Variants in ARHGAP24 observed in about 807,000 individuals in gnomAD.
The protein encoded by ARHGAP24 is rho GTPase-activating protein 24.
Under a neutral mutation model 76.4 loss-of-function variants are expected in ARHGAP24, and 50 were observed. The ratio of observed to expected loss-of-function variants is 0.65; its 90% CI spans 0.52 to 0.83. The LOEUF (loss-of-function observed/expected upper bound fraction) is 0.83. Ranked by LOEUF, ARHGAP24 falls within the 40% of genes least tolerant of loss-of-function variation. The pLI is 0.00. For synonymous variants in ARHGAP24, 345 were observed against 323.3 expected, an observed-to-expected ratio of 1.07 and a Z score of -0.72; for missense variants, 930 against 914.2, an observed-to-expected ratio of 1.02 and a Z score of -0.22.
At chr4:85,528,999 T>C (rs1252304830) in intron 1 of ARHGAP24, among the ~76,000 whole-genome samples, 2 of 152,074 alleles carry the variant, frequency 1.3e-5, no homozygotes, top group African/African-American at 2.4e-5. Context: ...TATTGGGATC[T>C]GAGACAAATA....
chr4:85,655,814 GAGAA>G lies in ARHGAP24; in HGVS notation c.181-66067_181-66064del, dbSNP rs770674185. ...ATATAGAGAGAGAGAGAGAGAGAGAGAGAAAGAGAGAGAGAGAGAGAGAGAGAGA... is the reference window on the plus strand; with the variant it reads ...ATATAGAGAGAGAGAGAGAGAGAGAGAGAGAGAGAGAGAGAGAGAGAGAGA... On this transcript the variant is annotated intron_variant, in intron 2 of 9. Transcript: ENST00000395184. Among the ~76,000 whole-genome samples the G allele has an allele frequency of 4.0e-3, 338 of 83,784 alleles. 2 individuals carry two copies. Among genetic ancestry groups the G allele is most frequent in the East Asian group, 0.026 (54 of 2,042 alleles). 55.0% of individuals were successfully genotyped at this position (83,784 alleles called of 152,430 possible).
intron 2 of ARHGAP24, among the ~76,000 whole-genome samples, chr4:85,714,131 G>A (rs1724639422): frequency 1.3e-5 from 2 of 152,108 alleles, no homozygotes; most frequent in South Asian, 4.1e-4. Flanking sequence ...CTAGATTGGT[G>A]ATGGCTATGC....
chr4:85,822,106 GAT>G (rs1729499067), intron 3 of ARHGAP24, among the ~76,000 whole-genome samples: 1 of 152,144 alleles, frequency 6.6e-6, no homozygotes, highest in Admixed American at 6.5e-5. Context: ...TTGGTCAGCT[GAT>G]GGAGCATTTT....
intron 3 of ARHGAP24, among the ~76,000 whole-genome samples, chr4:85,885,890 A>AT (rs1733540622): frequency 1.3e-5 from 2 of 152,108 alleles, no homozygotes; most frequent in South Asian, 4.1e-4. Flanking sequence ...TGAGAGCAAA[A>AT]TTTTGGATTA....
chr4:85,894,020 A>C (rs1733991401), intron 3 of ARHGAP24, among the ~76,000 whole-genome samples: 1 of 146,358 alleles, frequency 6.8e-6, no homozygotes, highest in Non-Finnish European at 1.5e-5. Flanking sequence ...TAGTGGGTGC[A>C]GCGCACCAGC....
At chr4:85,904,011 G>A (rs930712702) in intron 3 of ARHGAP24, among the ~76,000 whole-genome samples, 1 of 152,146 alleles carries the variant, frequency 6.6e-6, no homozygotes, top group African/African-American at 2.4e-5. Flanking sequence ...TTAACCTATA[G>A]TATTTCACAT....
chr4:85,864,517 C>T (rs1313693731), intron 3 of ARHGAP24, among the ~76,000 whole-genome samples: 1 of 152,054 alleles, frequency 6.6e-6, no homozygotes, highest in African/African-American at 2.4e-5. Context: ...TCCAGAATTA[C>T]TCTCCTTTGG....
intron 2 of ARHGAP24, among the ~76,000 whole-genome samples, chr4:85,652,142 T>G (rs1223789812): frequency 6.6e-6 from 1 of 152,188 alleles, no homozygotes; most frequent in Non-Finnish European, 1.5e-5. Context: ...ATATTCATAT[T>G]AGAGATTTTT....
At chr4:85,823,461 C>T (rs993491253) in intron 3 of ARHGAP24, among the ~76,000 whole-genome samples, 1 of 152,134 alleles carries the variant, frequency 6.6e-6, no homozygotes, top group African/African-American at 2.4e-5. Flanking sequence ...AGGCTTTTCC[C>T]TCAAGGATTC....
At chr4:85,622,949 T>C (rs951686374) in intron 2 of ARHGAP24, among the ~76,000 whole-genome samples, 3 of 151,986 alleles carry the variant, frequency 2.0e-5, no homozygotes, top group African/African-American at 7.2e-5. Context: ...GGGTTGTTTG[T>C]TTTTTTCTTG....
chr4:85,909,303 T>TG (rs1214657575), intron 3 of ARHGAP24, among the ~76,000 whole-genome samples: 8 of 150,778 alleles, frequency 5.3e-5, no homozygotes, highest in African/African-American at 2.0e-4. Flanking sequence ...TTTTGTTTTG[T>TG]TTTTTTTAAT....
intron 4 of ARHGAP24, among the ~76,000 whole-genome samples, chr4:85,937,968 G>A (rs139329198): frequency 1.3e-5 from 2 of 152,252 alleles, no homozygotes; most frequent in African/African-American, 4.8e-5. Flanking sequence ...TTTTCAAGAA[G>A]AATGAAATAT....
chr4:85,475,623 G>T (rs1283083467), intron 1 of ARHGAP24, 64 bp downstream of exon 1: 1 of 142,620 alleles, frequency 7.0e-6, no homozygotes, highest in Non-Finnish European at 1.5e-5. Context: ...GCGGCTGCCT[G>T]CGCCAGGGGA....
intron 4 of ARHGAP24, among the ~76,000 whole-genome samples, chr4:85,933,236 A>T (rs1203266394): frequency 2.0e-5 from 3 of 152,168 alleles, no homozygotes; most frequent in Non-Finnish European, 4.4e-5. Flanking sequence ...AGGTAAAAAA[A>T]TGTTGACGTG....
In ARHGAP24 at chr4:85,988,930, TATATC is replaced by T. The variant is rs558037496; in HGVS notation, c.929-5651_929-5647del. On this transcript the variant is annotated intron_variant, in intron 8 of 9. Coordinates refer to ENST00000395184, the MANE Select transcript of ARHGAP24 (RefSeq NM_001025616.3). Reference sequence around the variant, plus strand: ...AGGAAAATTCATATAATTATGGACTTATATCAGAAAGAATAAAGACCTAAATTTAA... The same window carrying T: ...AGGAAAATTCATATAATTATGGACTTAGAAAGAATAAAGACCTAAATTTAA... Among the ~76,000 whole-genome samples, 91 of 151,800 alleles carry T rather than the reference TATATC, an allele frequency of 6.0e-4. 1 individual carries two copies. The highest frequency in any genetic ancestry group is 2.1e-3 in the African/African-American group (86 of 41,548).
intron 1 of ARHGAP24, among the ~76,000 whole-genome samples, chr4:85,522,382 C>T (rs1289309188): frequency 6.6e-6 from 1 of 152,132 alleles, no homozygotes; most frequent in Non-Finnish European, 1.5e-5. Flanking sequence ...GGTGAACATA[C>T]ATAATTGCTA....
intron 3 of ARHGAP24, among the ~76,000 whole-genome samples, chr4:85,862,665 C>T (rs1731967616): frequency 6.6e-6 from 1 of 152,092 alleles, no homozygotes; most frequent in Admixed American, 6.6e-5. Context: ...TCATGGTCAG[C>T]ATCTCAAACT....
chr4:85,692,526 AT>A (rs540046127), intron 2 of ARHGAP24, among the ~76,000 whole-genome samples: 300 of 151,742 alleles, frequency 2.0e-3, no homozygotes, highest in Non-Finnish European at 3.5e-3. Flanking sequence ...CATTTAAACA[AT>A]TTTTTTTTCT....
intron 1 of ARHGAP24, among the ~76,000 whole-genome samples, chr4:85,517,464 T>C (rs959361158): frequency 6.6e-6 from 1 of 151,868 alleles, no homozygotes; most frequent in African/African-American, 2.4e-5. Context: ...CAATTTAAAA[T>C]TTTTTTAACA....
Sources: allele counts gnomAD v4.1 joint callset (sites outside exome capture counted in the v4.1 genomes callset), GRCh38; gene constraint gnomAD v4.1.1; transcripts MANE v1.5; gene names NCBI Gene and HGNC (gene_info 2026-07-23, HGNC 2026-07-21).